Variants in BRCA2 observed in about 807,000 individuals in gnomAD.
The protein encoded by BRCA2 is breast cancer type 2 susceptibility protein.
In BRCA2, 203 loss-of-function variants were observed where a neutral mutation model predicts 276.7. The observed-to-expected ratio is 0.73, with a 90% CI of 0.65 to 0.82. The LOEUF is 0.82. BRCA2 is among the 40% of genes least tolerant of loss of function. The pLI, the probability that BRCA2 is intolerant of heterozygous loss-of-function variation, is 0.00. For synonymous variants in BRCA2, 1,289 were observed against 1,338.4 expected (o/e 0.96, Z 0.81); for missense variants, 3,920 against 3,915.0 (o/e 1.00, Z -0.03).
chr13:32,370,446 T>G lies in BRCA2; in HGVS notation c.8376T>G (p.Leu2792=). 1 of 1,614,036 alleles carries G rather than the reference T, an allele frequency of 6.2e-7. No homozygotes were observed. The highest frequency in any genetic ancestry group is 1.1e-5 in the South Asian group (1 of 91,068). Residue 2792 remains leucine, a synonymous_variant, in exon 19 of 27, where the codon CTT becomes CTG. Transcript: ENST00000380152. ...GGCCTGCTCGCTGGTATACCAAACT[T>G]GGATTCTTTCCTGACCCTAGACCTT... ...STRPARWYTK[L]GFFPDPRPFP...
rs80359142 is a variant in BRCA2 at position 32,379,477 on chromosome 13, T to G, written c.8915T>G (p.Leu2972Trp). ...AGGGATGTCACAACCGTGTGGAAGTTGCGTATTGTAAGCTATTCAAAAAAA... is the reference window on the plus strand; with the variant it reads ...AGGGATGTCACAACCGTGTGGAAGTGGCGTATTGTAAGCTATTCAAAAAAA... ...LSRDVTTVWK[L>W]RIVSYSKKEK... Residue 2972 changes from leucine (L) to tryptophan (W), a missense_variant, in exon 22 of 27, where the codon TTG becomes TGG. Transcript: ENST00000380152. 1.2e-5 allele frequency: 20 copies of G among 1,613,234 alleles called. No individual in the cohort carries two copies. Among genetic ancestry groups the G allele is most frequent in the Non-Finnish European group, 1.7e-5 (20 of 1,179,818 alleles).
In BRCA2 at chr13:32,346,890, C is replaced by A; in HGVS notation, c.7001C>A (p.Pro2334His). ...HVSLEPITCV[P>H]FRTTKERQEI... ...TCTTTAGAGCCGATTACCTGTGTAC[C>A]CTTTCGGTAAGACATGTTTAAATTT... is the stretch of plus-strand genomic sequence containing the variant. The change falls in exon 13 of 27, where the codon CCC (proline) becomes CAC (histidine). Residue 2334 changes from proline to histidine, a missense_variant. Coordinates refer to ENST00000380152, the MANE Select transcript of BRCA2 (RefSeq NM_000059.4). The A allele has an allele frequency of 6.2e-7, 1 of 1,606,718 alleles. No individual in the cohort carries two copies. Among genetic ancestry groups the A allele is most frequent in the South Asian group, 1.1e-5 (1 of 90,076 alleles).
intron 20 of BRCA2, chr13:32,375,453 G>A (rs1332169988): frequency 1.2e-5 from 5 of 412,156 alleles, no homozygotes; most frequent in Admixed American, 7.9e-5. Context: ...AAACACTAGT[G>A]TTCTTAATGG....
Position 32,338,329 on chromosome 13 carries a change from C to CTGCT in BRCA2, c.3975_3978dup (p.Ala1327CysfsTer4), listed in dbSNP as rs397515636. On this transcript the variant is annotated frameshift_variant, in exon 11 of 27. Coordinates refer to ENST00000380152, the MANE Select transcript of BRCA2 (RefSeq NM_000059.4). LOFTEE classifies it high-confidence loss of function. ...ACTGAAAATGAAGATAACAAATATA[C>CTGCT]TGCTGCCAGTAGAAATTCTCATAAC... is the stretch of plus-strand genomic sequence containing the variant. 3 of 1,586,232 alleles carry CTGCT rather than the reference C, an allele frequency of 1.9e-6. No homozygotes were observed. Among genetic ancestry groups the CTGCT allele is most frequent in the Non-Finnish European group, 2.6e-6 (3 of 1,168,798 alleles).
rs1198204828 is a variant in BRCA2, at chr13:32,339,947, C to T, written c.5592C>T (p.Asp1864=). The T allele has an allele frequency of 1.2e-6, 2 of 1,608,146 alleles. No homozygotes were observed. Among genetic ancestry groups the T allele is most frequent in the Non-Finnish European group, 1.7e-6 (2 of 1,177,268 alleles). The stretch of plus-strand genomic sequence containing the variant: ...ATGAAACAATTAAAAAAGTGAAAGA[C>T]ATATTTACAGACAGTTTCAGTAAAG... The part of the protein sequence containing the change: ...VSHETIKKVK[D]IFTDSFSKVI... Residue 1864 remains aspartate (D), a synonymous_variant, in exon 11 of 27, where the codon GAC becomes GAT. Coordinates refer to ENST00000380152, the MANE Select transcript of BRCA2 (RefSeq NM_000059.4).
rs2137501864 is a variant in BRCA2, at chr13:32,338,347, C to G, written c.3992C>G (p.Ser1331Cys). 6.3e-7 allele frequency: 1 copy of G among 1,585,476 alleles called. No homozygotes were observed. The highest frequency in any genetic ancestry group is 8.6e-7 in the Non-Finnish European group (1 of 1,168,784). ...AAATATACTGCTGCCAGTAGAAATT[C>G]TCATAACTTAGAATTTGATGGCAGT... The part of the protein sequence containing the change: ...DNKYTAASRN[S>C]HNLEFDGSDS... Residue 1331 changes from serine (S) to cysteine (C), a missense_variant, in exon 11 of 27, where the codon TCT (serine) becomes TGT (cysteine). Ser to Cys is a moderately radical substitution (Grantham distance 112, BLOSUM62 -1). Transcript: ENST00000380152.
At position 32,341,251 on chromosome 13, in the gene BRCA2, T is replaced by G. The variant is rs574816509; in HGVS notation, c.6841+55T>G. Reference sequence around the variant, plus strand: ...CCAATCACTATTTTTAAAGTGTTTATTCAGTAGACTTGGTATGCTAACAAT... The same window carrying G: ...CCAATCACTATTTTTAAAGTGTTTAGTCAGTAGACTTGGTATGCTAACAAT... On this transcript the variant is annotated intron_variant, in intron 11 of 26. Coordinates refer to ENST00000380152, the MANE Select transcript of BRCA2 (RefSeq NM_000059.4). 3.3e-5 allele frequency: 53 copies of G among 1,606,554 alleles called. No homozygotes were observed. The African/African-American group carries it at 5.7e-4, about 17-fold the overall frequency.
rs80358991 is a variant in BRCA2, at chr13:32,357,763, A to G, written c.7639A>G (p.Lys2547Glu). ...HKQLYTYGVS[K>E]HCIKINSKNA... ...GTAGCTGTATACGTATGGCGTTTCT[A>G]AACATTGCATAAAAATTAACAGCAA... The change falls in exon 16 of 27, where the codon AAA (lysine) becomes GAA (glutamate). Residue 2547 changes from lysine (K) to glutamate (E), a missense_variant. This residue lies in a region of BRCA2 where 3,263 missense variants were observed against 3,156.9 expected (regional missense o/e 1.03). Transcript: ENST00000380152. The G allele has an allele frequency of 2.5e-6, 4 of 1,613,426 alleles. No homozygotes were observed. The highest frequency in any genetic ancestry group is 3.4e-6 in the Non-Finnish European group (4 of 1,179,494).
At chr13:32,365,106 A>G (rs545454671) in intron 18 of BRCA2, among the ~76,000 whole-genome samples, 1 of 86,488 alleles carries the variant, frequency 1.2e-5, no homozygotes, top group East Asian at 3.4e-4. Context: ...ATTGCAGTGC[A>G]TTCTTTTTTT....
At chr13:32,367,822 T>C (rs991508072) in intron 18 of BRCA2, among the ~76,000 whole-genome samples, 1 of 151,708 alleles carries the variant, frequency 6.6e-6, no homozygotes, top group African/African-American at 2.4e-5. Context: ...AAAAACTAGG[T>C]AAAAGGAGAA....
chr13:32,329,603 C>G (rs538823637), intron 8 of BRCA2, 111 bp downstream of exon 8: 46 of 907,254 alleles, frequency 5.1e-5, no homozygotes, highest in Non-Finnish European at 7.4e-5. Context: ...TTTATCTAAG[C>G]CTTTGAGAAA....
chr13:32,372,970 G>A (rs1011796112), intron 20 of BRCA2, among the ~76,000 whole-genome samples: 2 of 151,496 alleles, frequency 1.3e-5, no homozygotes, highest in African/African-American at 2.4e-5. Flanking sequence ...ATGCAAGTCC[G>A]AAACCTAGCC....
intron 24 of BRCA2, among the ~76,000 whole-genome samples, chr13:32,387,770 T>C (rs1426912117): frequency 6.6e-6 from 1 of 152,202 alleles, no homozygotes; most frequent in Non-Finnish European, 1.5e-5. Flanking sequence ...ATCTTTCTTA[T>C]AAGTGCAGAG....
At chr13:32,347,427 T>G (rs140490608) in intron 13 of BRCA2, among the ~76,000 whole-genome samples, 51 of 152,296 alleles carry the variant, frequency 3.3e-4, no homozygotes, top group Non-Finnish European at 6.5e-4. Flanking sequence ...AACAGGTACT[T>G]CTGAAGGTGA....
rs80358581 is a variant in BRCA2, at chr13:32,337,722, A to G, written c.3367A>G (p.Ser1123Gly). The G allele has an allele frequency of 1.2e-6, 2 of 1,613,308 alleles. No homozygotes were observed. Among genetic ancestry groups the G allele is most frequent in the Middle Eastern group, 3.3e-4 (2 of 6,058 alleles). The change falls in exon 11 of 27, where the codon AGT becomes GGT. Residue 1123 changes from serine to glycine, a missense_variant. By Grantham distance (56) the Ser-to-Gly change is moderately conservative (BLOSUM62 0). This residue lies in a region of BRCA2 where 3,263 missense variants were observed against 3,156.9 expected (regional missense o/e 1.03). Coordinates refer to ENST00000380152, the MANE Select transcript of BRCA2 (RefSeq NM_000059.4). The stretch of plus-strand genomic sequence containing the variant: ...TTCTACTATATTAGAAGAATCAGGA[A>G]GTCAGTTTGAATTTACTCAGTTTAG... ...ELSTILEESG[S>G]QFEFTQFRKP...
At chr13:32,395,492 C>T (rs903244747) in intron 25 of BRCA2, among the ~76,000 whole-genome samples, 13 of 152,118 alleles carry the variant, frequency 8.5e-5, no homozygotes, top group Non-Finnish European at 4.4e-5. Context: ...ATTTAATTCT[C>T]CCACAACCTT....
intron 13 of BRCA2, among the ~76,000 whole-genome samples, chr13:32,348,734 A>T (rs1182791369): frequency 1.3e-5 from 2 of 152,170 alleles, no homozygotes; most frequent in African/African-American, 4.8e-5. Flanking sequence ...AGAATTCAAC[A>T]TAGAAGAGAG....
rs1566245389 is a variant in BRCA2 at position 32,363,268 on chromosome 13, G to A, written c.8066G>A (p.Cys2689Tyr). The stretch of plus-strand genomic sequence containing the variant: ...ACAGCTGCAAAAACACTTGTTCTCT[G>A]TGTTTCTGACATAATTTCATTGAGC... ...DDTAAKTLVL[C>Y]VSDIISLSAN... Residue 2689 changes from cysteine to tyrosine, a missense_variant, in exon 18 of 27, where the codon TGT (cysteine) becomes TAT (tyrosine). By Grantham distance (194) the Cys-to-Tyr change is radical. Around this residue, in one of 2 missense-constraint regions of BRCA2, gnomAD observed 3,263 missense variants for 3,156.9 expected, o/e 1.03. Coordinates refer to ENST00000380152, the MANE Select transcript of BRCA2 (RefSeq NM_000059.4). 6.2e-7 allele frequency: 1 copy of A among 1,614,122 alleles called. No individual in the cohort carries two copies. The highest frequency in any genetic ancestry group is 8.5e-7 in the Non-Finnish European group (1 of 1,179,996).
At chr13:32,348,637 A>G (rs1478130975) in intron 13 of BRCA2, among the ~76,000 whole-genome samples, 2 of 152,222 alleles carry the variant, frequency 1.3e-5, no homozygotes, top group Non-Finnish European at 2.9e-5. Context: ...GTGAAGTACT[A>G]AAAGATCTCT....
Sources: allele counts gnomAD v4.1 joint callset (sites outside exome capture counted in the v4.1 genomes callset), GRCh38; gene constraint gnomAD v4.1.1; regional missense constraint gnomAD v4.1.1; transcripts MANE v1.5; gene names NCBI Gene and HGNC (gene_info 2026-07-23, HGNC 2026-07-21).